CFAP95: variants seen among roughly 807,000 people sequenced by gnomAD.
CFAP95 encodes the protein cilia and flagella associated protein 95, also known as cilia- and flagella-associated protein 95.
chr9:69,898,648 G>C, the CFAP95 span, among the ~76,000 whole-genome samples: 1 of 152,060 alleles, frequency 6.6e-6, no homozygotes, highest in African/African-American at 2.4e-5. Context: ...CAGGAAAATT[G>C]ATACAGTGCA....
the CFAP95 span, among the ~76,000 whole-genome samples, chr9:69,887,587 C>A: frequency 6.6e-6 from 1 of 152,150 alleles, no homozygotes. Flanking sequence ...TTATTATTAG[C>A]AACACAAATT....
chr9:69,887,701 A>G, the CFAP95 span, among the ~76,000 whole-genome samples: 1 of 152,216 alleles, frequency 6.6e-6, no homozygotes, highest in Non-Finnish European at 1.5e-5. Flanking sequence ...GCCACTCACC[A>G]TTGAAGGTGA....
At chr9:69,900,154 A>G in the CFAP95 span, among the ~76,000 whole-genome samples, 1 of 152,174 alleles carries the variant, frequency 6.6e-6, no homozygotes, top group South Asian at 2.1e-4. Context: ...GTGTGTGTGC[A>G]TATACACCCA....
the CFAP95 span, among the ~76,000 whole-genome samples, chr9:69,834,429 T>C: frequency 6.6e-6 from 1 of 152,042 alleles, no homozygotes; most frequent in Non-Finnish European, 1.5e-5. Flanking sequence ...CTTATTTCCC[T>C]CTAAAAGTGT....
At chr9:69,877,258 C>T in the CFAP95 span, among the ~76,000 whole-genome samples, 7 of 152,144 alleles carry the variant, frequency 4.6e-5, no homozygotes, top group Admixed American at 3.3e-4. Flanking sequence ...AGTTCTGCTT[C>T]TAGGCTTTAC....
the CFAP95 span, among the ~76,000 whole-genome samples, chr9:69,871,925 A>G: frequency 1.3e-5 from 2 of 152,222 alleles, no homozygotes; most frequent in African/African-American, 2.4e-5. Flanking sequence ...TCATTACAGT[A>G]TAGTTTTCTC....
At chr9:69,829,713 T>C in the CFAP95 span, among the ~76,000 whole-genome samples, 1 of 152,012 alleles carries the variant, frequency 6.6e-6, no homozygotes, top group Non-Finnish European at 1.5e-5. Flanking sequence ...TAGGTAAGAG[T>C]GTTGTGGTTG....
At chr9:69,893,692 T>A in the CFAP95 span, among the ~76,000 whole-genome samples, 1 of 152,230 alleles carries the variant, frequency 6.6e-6, no homozygotes, top group African/African-American at 2.4e-5. Flanking sequence ...ATAAAAGCCT[T>A]GTATTCTAAA....
chr9:69,899,822 C>T, the CFAP95 span, among the ~76,000 whole-genome samples: 1 of 152,206 alleles, frequency 6.6e-6, no homozygotes, highest in Non-Finnish European at 1.5e-5. Flanking sequence ...GACAGCATGG[C>T]ACAACTCACT....
At chr9:69,823,982 C>G in the CFAP95 span, among the ~76,000 whole-genome samples, 31 of 152,142 alleles carry the variant, frequency 2.0e-4, no homozygotes, top group Non-Finnish European at 3.7e-4. Flanking sequence ...TAGATGTGTA[C>G]GTGCAGGTCA....
At chr9:69,901,087 A>G in the CFAP95 span, among the ~76,000 whole-genome samples, 26 of 149,950 alleles carry the variant, frequency 1.7e-4, no homozygotes, top group African/African-American at 6.4e-4. Flanking sequence ...TTATTGTTCA[A>G]TTCCCACCTA....
At chr9:69,830,540 A>T in the CFAP95 span, among the ~76,000 whole-genome samples, 2 of 152,324 alleles carry the variant, frequency 1.3e-5, no homozygotes, top group Middle Eastern at 3.4e-3. Flanking sequence ...ATGCAATTTT[A>T]AAAAATGTAT....
chr9:69,867,058 A>G, the CFAP95 span, among the ~76,000 whole-genome samples: 1 of 152,196 alleles, frequency 6.6e-6, no homozygotes, highest in Non-Finnish European at 1.5e-5. Context: ...ATCTCTCCTT[A>G]GCTGATGTAT....
At chr9:69,890,110 T>C in the CFAP95 span, among the ~76,000 whole-genome samples, 1 of 152,100 alleles carries the variant, frequency 6.6e-6, no homozygotes, top group Admixed American at 6.6e-5. Context: ...GCATTTCAGG[T>C]CCATTTTCTT....
chr9:69,892,152 T>C, the CFAP95 span, among the ~76,000 whole-genome samples: 1 of 152,222 alleles, frequency 6.6e-6, no homozygotes, highest in Non-Finnish European at 1.5e-5. Flanking sequence ...TGTAATTCAA[T>C]GGCATTAAGT....
At chr9:69,844,384 T>C in the CFAP95 span, 846 of 527,762 alleles carry the variant, frequency 1.6e-3, 5 homozygotes, top group African/African-American at 0.015. Context: ...ATACTTTATA[T>C]GTCACAAATC....
At chr9:69,837,133 T>C in the CFAP95 span, among the ~76,000 whole-genome samples, 981 of 152,160 alleles carry the variant, frequency 6.4e-3, 8 homozygotes, top group African/African-American at 0.022. Context: ...TCTATCATTG[T>C]TGGACATTCG....
the CFAP95 span, chr9:69,905,942 T>A: frequency 6.7e-7 from 1 of 1,499,544 alleles, no homozygotes; most frequent in Non-Finnish European, 8.9e-7. Flanking sequence ...ATTTCTCTTT[T>A]TTCCCCCATA....
At chr9:69,892,678 G>A in the CFAP95 span, among the ~76,000 whole-genome samples, 3 of 152,020 alleles carry the variant, frequency 2.0e-5, no homozygotes, top group East Asian at 1.9e-4. Context: ...ACCCTGGCCC[G>A]CCACAACCCC....
Sources: gnomAD v4.1 joint callset for allele counts (sites outside exome capture counted in the v4.1 genomes callset) on GRCh38, gnomAD v4.1.1 for gene constraint, MANE v1.5 for transcripts, NCBI Gene and HGNC (gene_info 2026-07-23, HGNC 2026-07-21) for gene names.